The following MGME1 variants were observed in gnomAD, a reference collection of about 807,000 sequenced individuals.
The protein encoded by MGME1 is chromosome 20 open reading frame 72.
In MGME1, 22 loss-of-function variants were observed where a neutral mutation model predicts 33.0. The ratio of observed to expected loss-of-function variants is 0.67; its 90% CI spans 0.48 to 0.95. The LOEUF (loss-of-function observed/expected upper bound fraction) is 0.95. MGME1 is among the 40% of genes least tolerant of loss of function. The pLI is 0.00. For missense variants in MGME1, 383 were observed against 397.8 expected (o/e 0.96, Z 0.32); for synonymous variants, 133 against 144.0 (o/e 0.92, Z 0.55).
intron 3 of MGME1, among the ~76,000 whole-genome samples, chr20:17,978,156 G>A (rs6136244): frequency 0.58 from 87,519 of 152,120 alleles, 25,617 homozygotes; most frequent in African/African-American, 0.68. Context: ...GAAAGAGTGG[G>A]CACCCTTGAT....
intron 3 of MGME1, among the ~76,000 whole-genome samples, chr20:17,986,265 C>T (rs1292287716): frequency 3.3e-5 from 5 of 152,110 alleles, no homozygotes; most frequent in African/African-American, 1.2e-4. Flanking sequence ...GACGAGGTTT[C>T]ACCATGTTGG....
chr20:17,982,397 G>A (rs183810922), intron 3 of MGME1, among the ~76,000 whole-genome samples: 10 of 152,352 alleles, frequency 6.6e-5, no homozygotes, highest in Admixed American at 5.9e-4. Flanking sequence ...TGGGATTACA[G>A]ACATGAGCCA....
intron 3 of MGME1, among the ~76,000 whole-genome samples, chr20:17,980,531 T>C (rs1340113658): frequency 6.6e-6 from 1 of 151,500 alleles, no homozygotes; most frequent in Non-Finnish European, 1.5e-5. Flanking sequence ...AAAATCAGGC[T>C]GGGCGCAGTG....
chr20:17,976,097 A>G (rs2035860245), intron 3 of MGME1, among the ~76,000 whole-genome samples, 194 bp downstream of exon 3: 1 of 152,104 alleles, frequency 6.6e-6, no homozygotes, highest in Non-Finnish European at 1.5e-5. Context: ...AGTACTCCAA[A>G]ATCAAATTGT....
Position 17,990,654 on chromosome 20 carries a change from T to TA in MGME1, c.*545_*546insA, listed in dbSNP as rs1305297520. On this transcript the variant is annotated 3_prime_UTR_variant, in exon 5 of 5. Coordinates refer to ENST00000377710, the MANE Select transcript of MGME1 (RefSeq NM_052865.4). ...GCTGGGAAAAGCTTACATTTAACCT[T>TA]TTGAAAAAATAAATACGTGATTAGC... 1 of 154,258 alleles carries TA rather than the reference T, an allele frequency of 6.5e-6. No homozygotes were observed. The highest frequency in any genetic ancestry group is 1.4e-5 in the Non-Finnish European group (1 of 69,562). 9.6% of individuals were successfully genotyped at this position (154,258 alleles called of 1,614,324 possible).
chr20:17,970,017 C>CT lies in MGME1; in HGVS notation c.159dup (p.Asn54Ter). 2 of 1,614,138 alleles carry CT rather than the reference C, an allele frequency of 1.2e-6. No homozygotes were observed. The highest frequency in any genetic ancestry group is 1.7e-6 in the Non-Finnish European group (2 of 1,180,020). On this transcript the variant is annotated frameshift_variant, in exon 2 of 5. Transcript: ENST00000377710. LOFTEE classifies it high-confidence loss of function. ...GAAGAAGTGGACCAAGAAAAATACT[C>CT]TAATTTAGTTCAGTCTGTCTTGTCA...
intron 3 of MGME1, among the ~76,000 whole-genome samples, chr20:17,981,648 CGTGTGTGTGTGTGTGTGTGTGT>C: frequency 7.2e-6 from 1 of 139,808 alleles, no homozygotes; most frequent in East Asian, 2.1e-4. Context: ...ATCTACTACT[CGTGTGTGTGTGTGTGTGTGTGT>C]GTGTGTGTGT....
At chr20:17,972,712 C>A in intron 2 of MGME1, 1 of 985,270 alleles carries the variant, frequency 1.0e-6, no homozygotes, top group Non-Finnish European at 1.2e-6. Context: ...TCTAGGTTTT[C>A]ATGTTTGTGA....
At chr20:17,982,796 T>C (rs2036056657) in intron 3 of MGME1, among the ~76,000 whole-genome samples, 1 of 152,190 alleles carries the variant, frequency 6.6e-6, no homozygotes, top group South Asian at 2.1e-4. Flanking sequence ...ACAATAATTA[T>C]ATATATTTAT....
At chr20:17,973,285 A>G (rs964209854) in intron 2 of MGME1, among the ~76,000 whole-genome samples, 5 of 151,908 alleles carry the variant, frequency 3.3e-5, no homozygotes, top group African/African-American at 7.3e-5. Context: ...TGGAGATTGC[A>G]GTGAGCCGAG....
At chr20:17,975,086 T>G (rs893678161) in intron 2 of MGME1, among the ~76,000 whole-genome samples, 6 of 152,208 alleles carry the variant, frequency 3.9e-5, no homozygotes, top group Non-Finnish European at 7.3e-5. Context: ...AAACTGGATG[T>G]GGTCTTGTAG....
chr20:17,973,661 A>T (rs1266424254), intron 2 of MGME1, among the ~76,000 whole-genome samples: 1 of 152,024 alleles, frequency 6.6e-6, no homozygotes, highest in Non-Finnish European at 1.5e-5. Flanking sequence ...AAACTTGACA[A>T]ATGTAAAGTT....
chr20:17,979,103 GT>G (rs2035939688), intron 3 of MGME1, among the ~76,000 whole-genome samples: 3 of 151,166 alleles, frequency 2.0e-5, no homozygotes, highest in South Asian at 4.2e-4. Context: ...TTAAGACACA[GT>G]TTTGTTCAGT....
At chr20:17,989,007 T>C (rs1186616660) in intron 4 of MGME1, among the ~76,000 whole-genome samples, 1 of 152,114 alleles carries the variant, frequency 6.6e-6, no homozygotes, top group Non-Finnish European at 1.5e-5. Context: ...GAGGATTGCT[T>C]GAGCCCAGGA....
intron 2 of MGME1, among the ~76,000 whole-genome samples, chr20:17,971,525 T>C (rs1227717920): frequency 6.6e-6 from 1 of 152,224 alleles, no homozygotes; most frequent in Non-Finnish European, 1.5e-5. Context: ...ACCAGGAATG[T>C]ACAGCTGAAA....
chr20:17,990,056 T>C lies in MGME1; in HGVS notation c.982T>C (p.Tyr328His), dbSNP rs1278815520. The change falls in exon 5 of 5, where the codon TAT becomes CAT. Residue 328 changes from tyrosine to histidine, a missense_variant. Physicochemically the swap from Tyr to His is moderately conservative, Grantham distance 83. Transcript: ENST00000377710. Reference sequence around the variant, plus strand: ...CAAGTGGCTTCTTCGACTAGAAGAATATACGGAAAAGAAAAAGAACCAGAA... The same window carrying C: ...CAAGTGGCTTCTTCGACTAGAAGAACATACGGAAAAGAAAAAGAACCAGAA... Reference protein sequence around the residue: ...WTKWLLRLEEYTEKKKNQNIQ... With the variant: ...WTKWLLRLEEHTEKKKNQNIQ... 1 of 1,613,954 alleles carries C rather than the reference T, an allele frequency of 6.2e-7. No individual in the cohort carries two copies. Among genetic ancestry groups the C allele is most frequent in the Admixed American group, 1.7e-5 (1 of 60,000 alleles).
intron 3 of MGME1, 134 bp downstream of exon 3, chr20:17,976,037 C>T (rs777550136): frequency 2.7e-5 from 19 of 707,632 alleles, no homozygotes; most frequent in Admixed American, 4.8e-5. Flanking sequence ...TTGGGTGGGG[C>T]GGGGTTGAGA....
At chr20:17,989,863 C>T in intron 4 of MGME1, 76 bp from the exon 5 acceptor site, 3 of 1,390,892 alleles carry the variant, frequency 2.2e-6, no homozygotes, top group Non-Finnish European at 3.0e-6. Flanking sequence ...TGAGTTTGCC[C>T]TGGAGTAAGA....
Position 17,969,682 on chromosome 20 carries a change from G to A in MGME1, c.-59-119G>A, listed in dbSNP as rs963022301. The A allele has an allele frequency of 6.1e-5, 37 of 607,512 alleles. No individual in the cohort carries two copies. The African/African-American group carries it at 6.7e-4, about 11-fold the overall frequency. The allele number at this position is 607,512 out of a possible 1,614,324, so 37.6% of individuals were successfully genotyped here. A position where few individuals can be genotyped will look rare whatever the true frequency, so the allele number is the denominator to read the frequency against. On this transcript the variant is annotated intron_variant, in intron 1 of 4. Coordinates refer to ENST00000377710, the MANE Select transcript of MGME1 (RefSeq NM_052865.4). ...AAATTTTTTTTGGAGGCAGGGTCTC[G>A]CTCTGTCGACTTTCTTAAGAAAGGG...
Sources: gnomAD v4.1 joint callset for allele counts (sites outside exome capture counted in the v4.1 genomes callset) on GRCh38, gnomAD v4.1.1 for gene constraint, MANE v1.5 for transcripts, NCBI Gene and HGNC (gene_info 2026-07-23, HGNC 2026-07-21) for gene names.